ATRNL1: variants seen among roughly 807,000 people sequenced by gnomAD.
The protein encoded by ATRNL1 is attractin-like protein 1.
ATRNL1 carries 95 observed loss-of-function variants against 182.7 expected under a neutral mutation model. The observed-to-expected ratio is 0.52, with a 90% CI of 0.44 to 0.62. The LOEUF (loss-of-function observed/expected upper bound fraction) is 0.62. ATRNL1 is among the 20% of genes least tolerant of loss of function. ATRNL1 has a pLI of 0.00. For synonymous variants in ATRNL1, 576 were observed against 568.3 expected (o/e 1.01, Z -0.19); for missense variants, 1,471 against 1,679.5 (o/e 0.88, Z 2.17).
intron 9 of ATRNL1, among the ~76,000 whole-genome samples, chr10:115,223,628 C>T (rs1405335783): frequency 2.6e-5 from 4 of 151,774 alleles, no homozygotes; most frequent in Non-Finnish European, 4.4e-5. Flanking sequence ...ACAATTTTGT[C>T]TCACTTGATA....
intron 5 of ATRNL1, among the ~76,000 whole-genome samples, chr10:115,133,336 C>G (rs1450380812): frequency 6.6e-6 from 1 of 151,988 alleles, no homozygotes; most frequent in Non-Finnish European, 1.5e-5. Flanking sequence ...TTACTATAGC[C>G]TTGTAATATA....
intron 20 of ATRNL1, among the ~76,000 whole-genome samples, chr10:115,403,377 C>A (rs1316925551): frequency 6.6e-6 from 1 of 151,354 alleles, no homozygotes; most frequent in Non-Finnish European, 1.5e-5. Flanking sequence ...GTACAGCCTG[C>A]CTGCACATAG....
intron 24 of ATRNL1, among the ~76,000 whole-genome samples, chr10:115,471,408 G>A (rs1017296440): frequency 3.3e-5 from 5 of 150,582 alleles, no homozygotes; most frequent in African/African-American, 1.2e-4. Context: ...TTAATTTTTG[G>A]GGGAATCTTC....
At chr10:115,316,192 A>T in intron 18 of ATRNL1, among the ~76,000 whole-genome samples, 1 of 152,034 alleles carries the variant, frequency 6.6e-6, no homozygotes, top group Non-Finnish European at 1.5e-5. Context: ...CCCACTTTGG[A>T]GTGAGAACAT....
intron 22 of ATRNL1, among the ~76,000 whole-genome samples, chr10:115,463,034 T>TA (rs1554970086): frequency 1.3e-5 from 2 of 151,670 alleles, no homozygotes; most frequent in African/African-American, 4.8e-5. Context: ...AATATATATA[T>TA]TATTATTATG....
At chr10:115,788,737 C>A (rs1196697692) in intron 27 of ATRNL1, among the ~76,000 whole-genome samples, 1 of 152,196 alleles carries the variant, frequency 6.6e-6, no homozygotes, top group Non-Finnish European at 1.5e-5. Context: ...ATCCATTTGG[C>A]AGTGTTAGAA....
At chr10:115,450,460 A>C (rs1554967429) in intron 21 of ATRNL1, among the ~76,000 whole-genome samples, 1 of 152,198 alleles carries the variant, frequency 6.6e-6, no homozygotes, top group African/African-American at 2.4e-5. Context: ...CACTGTACAA[A>C]AGTTACTAGT....
intron 26 of ATRNL1, among the ~76,000 whole-genome samples, chr10:115,641,038 C>T (rs11197368): frequency 0.5 from 75,392 of 151,776 alleles, 19,603 homozygotes; most frequent in East Asian, 0.84. Flanking sequence ...AATCCTTTCC[C>T]CATTGCTTTT....
chr10:115,375,575 G>A (rs57110519), intron 19 of ATRNL1, among the ~76,000 whole-genome samples: 9,732 of 151,688 alleles, frequency 0.064, 1,009 homozygotes, highest in African/African-American at 0.22. Flanking sequence ...TTTGTGTTTT[G>A]TTGTATTTTT....
At chr10:115,682,806 G>A (rs1443372407) in intron 26 of ATRNL1, among the ~76,000 whole-genome samples, 3 of 152,208 alleles carry the variant, frequency 2.0e-5, no homozygotes, top group East Asian at 3.9e-4. Flanking sequence ...CTTAGAAGCT[G>A]TAGACCTCTA....
chr10:115,100,463 C>T (rs569847971), intron 1 of ATRNL1, among the ~76,000 whole-genome samples: 141 of 152,028 alleles, frequency 9.3e-4, no homozygotes, highest in African/African-American at 3.2e-3. Context: ...GATCTAAATT[C>T]AGTTTTTTGG....
intron 19 of ATRNL1, among the ~76,000 whole-genome samples, chr10:115,367,925 C>T (rs1202879807): frequency 2.0e-5 from 3 of 150,914 alleles, no homozygotes; most frequent in Non-Finnish European, 3.0e-5. Flanking sequence ...CTCTTCAAAG[C>T]TGTCAGACAG....
At chr10:115,667,744 TC>T (rs1361277142) in intron 26 of ATRNL1, among the ~76,000 whole-genome samples, 1 of 151,446 alleles carries the variant, frequency 6.6e-6, no homozygotes, top group Non-Finnish European at 1.5e-5. Context: ...AGCCTGAAAC[TC>T]CCGGGGGCTC....
intron 26 of ATRNL1, among the ~76,000 whole-genome samples, chr10:115,671,636 G>C (rs1019224031): frequency 2.6e-5 from 4 of 152,102 alleles, no homozygotes; most frequent in African/African-American, 9.7e-5. Context: ...ACAAAGATGA[G>C]AGCATGAGTA....
intron 28 of ATRNL1, among the ~76,000 whole-genome samples, chr10:115,894,011 G>A (rs1952144570): frequency 6.6e-6 from 1 of 152,144 alleles, no homozygotes; most frequent in African/African-American, 2.4e-5. Flanking sequence ...ACAGGATGAG[G>A]AAAGAGACAA....
intron 19 of ATRNL1, among the ~76,000 whole-genome samples, chr10:115,343,640 T>G (rs1261411008): frequency 6.6e-6 from 1 of 152,108 alleles, no homozygotes; most frequent in Non-Finnish European, 1.5e-5. Flanking sequence ...GTGGCTTATC[T>G]ATTTCATTTG....
At chr10:115,731,021 C>A (rs1947781870) in intron 27 of ATRNL1, among the ~76,000 whole-genome samples, 1 of 152,116 alleles carries the variant, frequency 6.6e-6, no homozygotes, top group African/African-American at 2.4e-5. Flanking sequence ...GCTTTATATT[C>A]TAGTCTCGCT....
chr10:115,585,506 G>A lies in ATRNL1; in HGVS notation c.3795+35970G>A, dbSNP rs1289858081. On this transcript the variant is annotated intron_variant, in intron 26 of 28. Coordinates refer to ENST00000355044, the MANE Select transcript of ATRNL1 (RefSeq NM_207303.4). ...TTGATCCCTTTACCATTATGTAATG[G>A]CCTTCTTTGTCTCTTTTGATCTTTG... Among the ~76,000 whole-genome samples the A allele has an allele frequency of 2.5e-4, 30 of 120,794 alleles. 2 individuals carry two copies. Among genetic ancestry groups the A allele is most frequent in the Non-Finnish European group, 4.6e-4 (26 of 56,624 alleles). 79.2% of individuals were successfully genotyped at this position (120,794 alleles called of 152,430 possible). A position where few individuals can be genotyped will look rare whatever the true frequency, so the allele number is the denominator to read the frequency against.
In ATRNL1 at chr10:115,281,391, G is replaced by A. The variant is rs782398934; in HGVS notation, c.2137G>A (p.Glu713Lys). ...KNYTKCHVRN[E>K]QICNKLTSCK... is the part of the protein sequence containing the mutation. The stretch of plus-strand genomic sequence containing the variant: ...CTACACCAAATGTCATGTGAGAAAT[G>A]AGCAGATTTGTAACAAACTTACCAG... Residue 713 changes from glutamate to lysine, a missense_variant, in exon 14 of 29, where the codon GAG becomes AAG. Glu to Lys is a moderately conservative substitution (Grantham distance 56, BLOSUM62 1). Around this residue, in one of 3 missense-constraint regions of ATRNL1, gnomAD observed 1,031 missense variants for 1,156.0 expected, o/e 0.89. Coordinates refer to ENST00000355044, the MANE Select transcript of ATRNL1 (RefSeq NM_207303.4). 1 of 1,613,322 alleles carries A rather than the reference G, an allele frequency of 6.2e-7. No homozygotes were observed. Among genetic ancestry groups the A allele is most frequent in the Non-Finnish European group, 8.5e-7 (1 of 1,179,586 alleles).
Sources: gnomAD v4.1 joint callset for allele counts (sites outside exome capture counted in the v4.1 genomes callset) on GRCh38, gnomAD v4.1.1 for gene constraint, gnomAD v4.1.1 regional missense constraint, MANE v1.5 for transcripts, NCBI Gene and HGNC (gene_info 2026-07-23, HGNC 2026-07-21) for gene names.